The following MARK3 variants were observed in gnomAD, a reference collection of about 807,000 sequenced individuals.
The protein encoded by MARK3 is microtubule affinity regulating kinase 3, also known as MAP/microtubule affinity-regulating kinase 3.
Under a neutral mutation model 90.1 loss-of-function variants are expected in MARK3, and 46 were observed. That is an observed-to-expected ratio of 0.51 (90% CI 0.40 to 0.65). The LOEUF (loss-of-function observed/expected upper bound fraction) is 0.65. Among genes scored for constraint, MARK3 ranks in the 30% least tolerant of loss-of-function variants. MARK3 has a pLI of 0.00. For missense variants in MARK3, 818 were observed against 947.2 expected (o/e 0.86, Z 1.79); for synonymous variants, 321 against 332.6 (o/e 0.97, Z 0.38).
intron 1 of MARK3, chr14:103,386,533 G>A (rs925074068): frequency 2.6e-5 from 10 of 385,346 alleles, no homozygotes; most frequent in African/African-American, 2.1e-4. Context: ...TCAAGTGGGC[G>A]GTCTCGTTCT....
chr14:103,386,051 C>T lies in MARK3; in HGVS notation c.22C>T (p.Pro8Ser). 6.2e-7 allele frequency: 1 copy of T among 1,614,170 alleles called. No individual in the cohort carries two copies. The highest frequency in any genetic ancestry group is 1.7e-5 in the Admixed American group (1 of 60,032). MSTRTPL[P>S]TVNERDTENH... ...TAAAATGTCCACTAGGACCCCATTGCCAACGGTGAATGAACGAGACACTGA... is the reference window on the plus strand; with the variant it reads ...TAAAATGTCCACTAGGACCCCATTGTCAACGGTGAATGAACGAGACACTGA... The change falls in exon 1 of 18, where the codon CCA (proline) becomes TCA (serine). Residue 8 changes from proline to serine, a missense_variant. Transcript: ENST00000429436.
intron 6 of MARK3, among the ~76,000 whole-genome samples, chr14:103,459,807 A>G (rs371135561): frequency 2.9e-4 from 44 of 151,596 alleles, no homozygotes; most frequent in Non-Finnish European, 3.7e-4. Flanking sequence ...AGCCATCGTA[A>G]TGTGGCCTCA....
chr14:103,488,160 G>T (rs1293176915), intron 14 of MARK3, among the ~76,000 whole-genome samples: 1 of 152,136 alleles, frequency 6.6e-6, no homozygotes, highest in African/African-American at 2.4e-5. Flanking sequence ...AACTGTCTCT[G>T]TTGCAGGTGA....
At chr14:103,493,689 A>G (rs56365443) in intron 15 of MARK3, among the ~76,000 whole-genome samples, 39,545 of 151,472 alleles carry the variant, frequency 0.26, 6,419 homozygotes, top group Middle Eastern at 0.45. Flanking sequence ...AGCCTGACCA[A>G]TATGGTGAAA....
Position 103,448,909 on chromosome 14 carries a change from T to C in MARK3, c.298-10T>C. 1 of 1,557,166 alleles carries C rather than the reference T, an allele frequency of 6.4e-7. No homozygotes were observed. The highest frequency in any genetic ancestry group is 8.7e-7 in the Non-Finnish European group (1 of 1,147,816). On this transcript the variant is annotated splice_polypyrimidine_tract_variant and intron_variant, in intron 3 of 17. Coordinates refer to ENST00000429436, the MANE Select transcript of MARK3 (RefSeq NM_001128918.3). ...GGGGGATTATGTGTTTTGTTTGTTT[T>C]TTTTTTTAGCTCTTCAGAGAAGTAA... is the stretch of plus-strand genomic sequence containing the variant.
rs1164330561 is a variant in MARK3 at position 103,466,386 on chromosome 14, A to G, written c.941A>G (p.Asp314Gly). 1.2e-6 allele frequency: 2 copies of G among 1,613,970 alleles called. No individual in the cohort carries two copies. Among genetic ancestry groups the G allele is most frequent in the Non-Finnish European group, 1.7e-6 (2 of 1,179,968 alleles). ...TGGATCAATGCAGGGCATGAAGAAG[A>G]TGAACTCAAACCATTTGTTGAACCA... ...DRWINAGHEE[D>G]ELKPFVEPEL... Residue 314 changes from aspartate (D) to glycine (G), a missense_variant, in exon 10 of 18, where the codon GAT becomes GGT. Physicochemically the swap from Asp to Gly is moderately conservative, Grantham distance 94 (BLOSUM62 -1). Transcript: ENST00000429436.
chr14:103,422,894 A>G (rs1273025478), intron 2 of MARK3, among the ~76,000 whole-genome samples: 3 of 152,158 alleles, frequency 2.0e-5, no homozygotes, highest in South Asian at 2.1e-4. Flanking sequence ...TGTAAGCCCT[A>G]ACCCCCAGTG....
chr14:103,496,515 C>T (rs1047077036), intron 15 of MARK3, among the ~76,000 whole-genome samples: 5 of 151,972 alleles, frequency 3.3e-5, no homozygotes, highest in Non-Finnish European at 7.4e-5. Context: ...TGGGTTCAAG[C>T]GATTATCCTG....
At chr14:103,434,989 T>G (rs939811608) in intron 3 of MARK3, among the ~76,000 whole-genome samples, 5 of 152,192 alleles carry the variant, frequency 3.3e-5, no homozygotes, top group Non-Finnish European at 7.3e-5. Flanking sequence ...GAGCCACTGT[T>G]AGTGCTTAGA....
At chr14:103,448,773 A>G in intron 3 of MARK3, 146 bp from the exon 4 acceptor site, 2 of 740,024 alleles carry the variant, frequency 2.7e-6, no homozygotes, top group Non-Finnish European at 4.1e-6. Context: ...CTGGACTTTC[A>G]TATTAGTCTT....
intron 2 of MARK3, among the ~76,000 whole-genome samples, chr14:103,407,958 C>A (rs2091413588): frequency 6.6e-6 from 1 of 152,078 alleles, no homozygotes; most frequent in African/African-American, 2.4e-5. Context: ...GAGAAGTAAT[C>A]ATTGACAAAT....
At chr14:103,442,719 C>T (rs2092889173) in intron 3 of MARK3, among the ~76,000 whole-genome samples, 1 of 152,066 alleles carries the variant, frequency 6.6e-6, no homozygotes, top group South Asian at 2.1e-4. Flanking sequence ...TGTGTCAGAA[C>T]CTATGTAATA....
chr14:103,404,630 A>G (rs1302354798), intron 1 of MARK3, among the ~76,000 whole-genome samples: 1 of 152,212 alleles, frequency 6.6e-6, no homozygotes, highest in Non-Finnish European at 1.5e-5. Context: ...ATAGAAGGAA[A>G]TCGGGAATCC....
chr14:103,402,114 G>T (rs1399641565), intron 1 of MARK3, among the ~76,000 whole-genome samples: 1 of 152,162 alleles, frequency 6.6e-6, no homozygotes, highest in African/African-American at 2.4e-5. Flanking sequence ...TTCAGGTTTG[G>T]GGAATATCTG....
intron 6 of MARK3, among the ~76,000 whole-genome samples, chr14:103,459,770 T>C (rs1238761983): frequency 6.6e-6 from 1 of 151,816 alleles, no homozygotes; most frequent in Non-Finnish European, 1.5e-5. Context: ...CTCCTCAGCC[T>C]CCCAAAATGC....
In MARK3 at chr14:103,425,515, C is replaced by G. The variant is rs1439305750; in HGVS notation, c.244-2872C>G. 2.0e-5 allele frequency among the ~76,000 whole-genome samples: 3 copies of G among 152,056 alleles called. No individual in the cohort carries two copies. The East Asian group carries it at 5.8e-4, about 29-fold the overall frequency. ...TGACCTCAGGTGATCCACCCACCTC[C>G]CAAAGTGCTGGGATTACAGGCATGA... On this transcript the variant is annotated intron_variant, in intron 2 of 17. Coordinates refer to ENST00000429436, the MANE Select transcript of MARK3 (RefSeq NM_001128918.3).
In MARK3 at chr14:103,472,368, A is replaced by G. The variant is rs1431283814; in HGVS notation, c.1265-2625A>G. ...TTACAAATTTGATTACATAAAAATG[A>G]AATTTCTGGCCGGTCGCATAATCCC... On this transcript the variant is annotated intron_variant, in intron 12 of 17. Coordinates refer to ENST00000429436, the MANE Select transcript of MARK3 (RefSeq NM_001128918.3). Among the ~76,000 whole-genome samples, 3 of 151,436 alleles carry G rather than the reference A, an allele frequency of 2.0e-5. No individual in the cohort carries two copies. In the East Asian group the frequency reaches 5.9e-4, roughly 30 times the overall value.
intron 14 of MARK3, among the ~76,000 whole-genome samples, chr14:103,485,305 C>G (rs1472146244): frequency 6.8e-6 from 1 of 147,976 alleles, no homozygotes; most frequent in Non-Finnish European, 1.5e-5. Flanking sequence ...CAGTGTGGCC[C>G]AGGCTGCAGT....
intron 2 of MARK3, among the ~76,000 whole-genome samples, chr14:103,419,641 G>A (rs1044862693): frequency 6.6e-6 from 1 of 152,054 alleles, no homozygotes; most frequent in Non-Finnish European, 1.5e-5. Context: ...AGCTACAAAA[G>A]GAAGGGAGCA....
Sources: gnomAD v4.1 joint callset for allele counts (sites outside exome capture counted in the v4.1 genomes callset) on GRCh38, gnomAD v4.1.1 for gene constraint, MANE v1.5 for transcripts, NCBI Gene and HGNC (gene_info 2026-07-23, HGNC 2026-07-21) for gene names.